The following CREB3L2 variants were observed in gnomAD, a reference collection of about 807,000 sequenced individuals.
CREB3L2 encodes the protein cAMP responsive element binding protein 3 like 2.
A neutral mutation model predicts 57.2 loss-of-function variants in CREB3L2; 23 were observed. The observed-to-expected ratio is 0.40, with a 90% CI of 0.29 to 0.57. The LOEUF is 0.57. Among genes scored for constraint, CREB3L2 ranks in the 20% least tolerant of loss-of-function variants. The probability of loss-of-function intolerance (pLI) is 0.42; values close to 1 mark genes in which losing one functional copy is unlikely to be tolerated. For synonymous variants in CREB3L2, 268 were observed against 265.1 expected, an observed-to-expected ratio of 1.01 and a Z score of -0.11; for missense variants, 628 against 634.7, an observed-to-expected ratio of 0.99 and a Z score of 0.11.
chr7:137,953,867 C>A (rs1315106800), intron 1 of CREB3L2, among the ~76,000 whole-genome samples: 1 of 152,182 alleles, frequency 6.6e-6, no homozygotes, highest in African/African-American at 2.4e-5. Flanking sequence ...GGAAAGGCAT[C>A]ATCATGGGTT....
At position 137,880,403 on chromosome 7, in the gene CREB3L2, A is replaced by G; in HGVS notation, c.*73T>C. The G allele has an allele frequency of 8.0e-7, 1 of 1,256,806 alleles. No individual in the cohort carries two copies. The highest frequency in any genetic ancestry group is 1.2e-6 in the Non-Finnish European group (1 of 869,040). The allele number at this position is 1,256,806 out of a possible 1,614,324, so 77.9% of individuals were successfully genotyped here. The stretch of plus-strand genomic sequence containing the variant: ...ATGAAGATCCAGTGGCAAAGAGGAA[A>G]AGCTGATGACAAAGGTGGTTTGGGG... On this transcript the variant is annotated 3_prime_UTR_variant, in exon 12 of 12. Transcript: ENST00000330387. The surrounding 1 kb of genome is among the most constrained non-coding windows in gnomAD (Gnocchi z 4.0).
At chr7:137,942,834 C>T (rs1351380061) in intron 1 of CREB3L2, among the ~76,000 whole-genome samples, 1 of 152,122 alleles carries the variant, frequency 6.6e-6, no homozygotes, top group Admixed American at 6.5e-5. Flanking sequence ...CTTATTGGAT[C>T]ATGAATAGGA....
At chr7:137,962,224 CATACACT>C (rs1801335336) in intron 1 of CREB3L2, among the ~76,000 whole-genome samples, 2 of 152,258 alleles carry the variant, frequency 1.3e-5, no homozygotes, top group South Asian at 4.1e-4. Context: ...CTAAAGCTGC[CATACACT>C]GAACTAAAAG....
At chr7:137,924,952 G>T (rs938592934) in intron 2 of CREB3L2, among the ~76,000 whole-genome samples, 1 of 152,152 alleles carries the variant, frequency 6.6e-6, no homozygotes, top group South Asian at 2.1e-4. Flanking sequence ...GAGAATCTAA[G>T]AAATGATATA....
chr7:137,929,856 A>G (rs1214106850), intron 1 of CREB3L2, among the ~76,000 whole-genome samples: 1 of 150,520 alleles, frequency 6.6e-6, no homozygotes, highest in Non-Finnish European at 1.5e-5. Context: ...GCAACAGTGC[A>G]AGACTCCATC....
At chr7:137,910,925 G>A (rs566289302) in intron 4 of CREB3L2, among the ~76,000 whole-genome samples, 1 of 152,276 alleles carries the variant, frequency 6.6e-6, no homozygotes, top group African/African-American at 2.4e-5. Flanking sequence ...TGCAGTCAAG[G>A]ATATTGAATT....
At chr7:137,967,658 G>C (rs895847349) in intron 1 of CREB3L2, among the ~76,000 whole-genome samples, 1 of 152,196 alleles carries the variant, frequency 6.6e-6, no homozygotes, top group Non-Finnish European at 1.5e-5. Context: ...CAGACACCAA[G>C]CCCCATGTCT....
chr7:137,883,707 T>C (rs548768472), intron 10 of CREB3L2, among the ~76,000 whole-genome samples: 3 of 151,820 alleles, frequency 2.0e-5, no homozygotes, highest in East Asian at 1.9e-4. Flanking sequence ...GCAGGTATTT[T>C]TATTGGCTGC....
At chr7:137,904,710 A>G (rs1273206212) in intron 6 of CREB3L2, among the ~76,000 whole-genome samples, 1 of 151,818 alleles carries the variant, frequency 6.6e-6, no homozygotes, top group Non-Finnish European at 1.5e-5. Context: ...ATGGTGGCAC[A>G]CGTCTGTGGT....
chr7:137,965,006 C>T (rs1801386494), intron 1 of CREB3L2, among the ~76,000 whole-genome samples: 1 of 152,114 alleles, frequency 6.6e-6, no homozygotes, highest in South Asian at 2.1e-4. Flanking sequence ...ACCTCTTTTT[C>T]TTTATAAATT....
intron 2 of CREB3L2, among the ~76,000 whole-genome samples, chr7:137,920,989 C>T (rs1800262895): frequency 6.6e-6 from 1 of 152,166 alleles, no homozygotes; most frequent in African/African-American, 2.4e-5. Flanking sequence ...AATGTTTCTC[C>T]ATGTCCTTAC....
intron 1 of CREB3L2, among the ~76,000 whole-genome samples, chr7:137,954,000 G>A (rs1025386760): frequency 2.0e-5 from 3 of 152,188 alleles, no homozygotes; most frequent in Non-Finnish European, 2.9e-5. Flanking sequence ...CACAGGGAAA[G>A]AGAAATTCTT....
intron 1 of CREB3L2, among the ~76,000 whole-genome samples, chr7:137,972,536 C>T (rs2117301968): frequency 6.7e-6 from 1 of 149,138 alleles, no homozygotes; most frequent in African/African-American, 2.5e-5. Context: ...ACAATAAGAA[C>T]AGTATTTTTT....
At chr7:137,929,248 A>G (rs2117242369) in intron 1 of CREB3L2, among the ~76,000 whole-genome samples, 1 of 152,236 alleles carries the variant, frequency 6.6e-6, no homozygotes, top group East Asian at 1.9e-4. Context: ...GTACCACTCT[A>G]AAGGAGCTGC....
chr7:137,891,131 T>G (rs1799521224), intron 8 of CREB3L2, among the ~76,000 whole-genome samples: 1 of 152,212 alleles, frequency 6.6e-6, no homozygotes, highest in Admixed American at 6.5e-5. Context: ...TGATTGAAAA[T>G]GTGGATTTTG....
At chr7:137,924,952 G>C (rs938592934) in intron 2 of CREB3L2, among the ~76,000 whole-genome samples, 2 of 152,152 alleles carry the variant, frequency 1.3e-5, no homozygotes, top group Non-Finnish European at 2.9e-5. Context: ...GAGAATCTAA[G>C]AAATGATATA....
chr7:137,994,534 C>T (rs1482334602), intron 1 of CREB3L2, among the ~76,000 whole-genome samples: 4 of 152,156 alleles, frequency 2.6e-5, no homozygotes. Context: ...AAGACATAGC[C>T]ATAATCTCCT....
At chr7:137,893,099 TC>T (rs1799556231) in intron 8 of CREB3L2, among the ~76,000 whole-genome samples, 2 of 152,160 alleles carry the variant, frequency 1.3e-5, no homozygotes, top group East Asian at 3.8e-4. Context: ...ATAAATTTTC[TC>T]CTTTTTCTTC....
At position 137,885,055 on chromosome 7, in the gene CREB3L2, C is replaced by T; in HGVS notation, c.1210G>A (p.Ala404Thr). The T allele has an allele frequency of 6.2e-7, 1 of 1,614,180 alleles. No individual in the cohort carries two copies. Among genetic ancestry groups the T allele is most frequent in the Non-Finnish European group, 8.5e-7 (1 of 1,180,020 alleles). The change falls in exon 10 of 12, where the codon GCC (alanine) becomes ACC (threonine). Residue 404 changes from alanine to threonine, a missense_variant. Around this residue, in one of 3 missense-constraint regions of CREB3L2, gnomAD observed 272 missense variants for 242.7 expected, o/e 1.12. Coordinates refer to ENST00000330387, the MANE Select transcript of CREB3L2 (RefSeq NM_194071.4). The part of the protein sequence containing the change: ...FFQGYGPYPS[A>T]TKMALPSQHS... ...TGGCTGGGCAGAGCCATCTTGGTGG[C>T]AGAAGGATAGGGCCCGTAGCCTTGA...
Sources: allele counts gnomAD v4.1 joint callset (sites outside exome capture counted in the v4.1 genomes callset), GRCh38; gene constraint gnomAD v4.1.1; regional missense constraint gnomAD v4.1.1; non-coding constraint Gnocchi (gnomAD v3.1); transcripts MANE v1.5; gene names NCBI Gene and HGNC (gene_info 2026-07-23, HGNC 2026-07-21).